The following ROCK2 variants were observed in gnomAD, a reference collection of about 807,000 sequenced individuals.
ROCK2 encodes rho-associated protein kinase 2.
In ROCK2, 61 loss-of-function variants were observed where a neutral mutation model predicts 195.1. The ratio of observed to expected loss-of-function variants is 0.31; its 90% CI spans 0.25 to 0.39. The LOEUF (loss-of-function observed/expected upper bound fraction) is 0.39, where lower values mean the gene tolerates loss of function less well. Among genes scored for constraint, ROCK2 ranks in the 10% least tolerant of loss-of-function variants. The pLI is 1.00. For missense variants in ROCK2, 1,109 were observed against 1,637.4 expected (o/e 0.68, Z 5.57); for synonymous variants, 504 against 545.5 (o/e 0.92, Z 1.06).
chr2:11,323,239 G>A (rs926374673), intron 1 of ROCK2, among the ~76,000 whole-genome samples: 1 of 152,134 alleles, frequency 6.6e-6, no homozygotes, highest in Non-Finnish European at 1.5e-5. Context: ...TACTGTCTTA[G>A]AAATCTACAG....
At chr2:11,194,191 T>C (rs1195871083) in intron 29 of ROCK2, 65 bp downstream of exon 29, 2 of 647,728 alleles carry the variant, frequency 3.1e-6, no homozygotes, top group East Asian at 2.9e-5. Flanking sequence ...GACTAATAAA[T>C]TGCATTGTTA....
At chr2:11,317,159 T>C (rs1056195851) in intron 1 of ROCK2, among the ~76,000 whole-genome samples, 2 of 152,068 alleles carry the variant, frequency 1.3e-5, no homozygotes, top group African/African-American at 4.8e-5. Context: ...ATGATGCAAG[T>C]AACTAAAAGA....
chr2:11,255,835 G>A (rs1666011071), intron 3 of ROCK2, among the ~76,000 whole-genome samples: 1 of 141,324 alleles, frequency 7.1e-6, no homozygotes, highest in African/African-American at 2.8e-5. Flanking sequence ...CAGGGGAATT[G>A]CTTAAACCTG....
intron 1 of ROCK2, among the ~76,000 whole-genome samples, chr2:11,323,312 C>T (rs896026822): frequency 6.6e-6 from 1 of 152,202 alleles, no homozygotes; most frequent in African/African-American, 2.4e-5. Flanking sequence ...ACCTCCAAAC[C>T]TCAGTTTCCC....
intron 32 of ROCK2, among the ~76,000 whole-genome samples, chr2:11,190,707 A>G (rs1663392406): frequency 6.6e-6 from 1 of 152,202 alleles, no homozygotes; most frequent in African/African-American, 2.4e-5. Flanking sequence ...AGCAAATGAG[A>G]TAATATATAA....
At chr2:11,226,932 A>AAAG (rs1161561699) in intron 6 of ROCK2, among the ~76,000 whole-genome samples, 1 of 143,416 alleles carries the variant, frequency 7.0e-6, no homozygotes, top group Non-Finnish European at 1.6e-5. Flanking sequence ...AAAAAAAAAA[A>AAAG]AAGAAGGAAA....
rs774612477 is a variant in ROCK2 at position 11,182,075 on chromosome 2, A to T, written c.*1362T>A. The T allele has an allele frequency of 2.6e-5, 4 of 152,174 alleles. No homozygotes were observed. Among genetic ancestry groups the T allele is most frequent in the Non-Finnish European group, 5.9e-5 (4 of 68,030 alleles). The allele number at this position is 152,174 out of a possible 1,614,324, so 9.4% of individuals were successfully genotyped here. On this transcript the variant is annotated 3_prime_UTR_variant, in exon 33 of 33. Transcript: ENST00000315872. ...GCTGCATATTGTTGCAGTATAAAACACACACTTATCTGGGATCATGAGAAT... is the reference window on the plus strand; with the variant it reads ...GCTGCATATTGTTGCAGTATAAAACTCACACTTATCTGGGATCATGAGAAT...
intron 3 of ROCK2, among the ~76,000 whole-genome samples, chr2:11,275,820 C>G (rs1666806007): frequency 6.6e-6 from 1 of 151,666 alleles, no homozygotes; most frequent in Non-Finnish European, 1.5e-5. Context: ...CTGCCTCAGC[C>G]TCCCTAGCAG....
At chr2:11,342,664 T>C (rs1169234239) in intron 1 of ROCK2, among the ~76,000 whole-genome samples, 2 of 152,222 alleles carry the variant, frequency 1.3e-5, no homozygotes, top group Non-Finnish European at 2.9e-5. Flanking sequence ...TAGGAAAAGC[T>C]ATGCCATCCA....
intron 4 of ROCK2, among the ~76,000 whole-genome samples, chr2:11,244,747 G>C (rs984805294): frequency 1.3e-5 from 2 of 151,790 alleles, no homozygotes; most frequent in African/African-American, 4.8e-5. Flanking sequence ...CTGGGCAACA[G>C]AGTGAGATCC....
At chr2:11,343,364 G>A (rs1371090222) in intron 1 of ROCK2, among the ~76,000 whole-genome samples, 2 of 152,156 alleles carry the variant, frequency 1.3e-5, no homozygotes, top group African/African-American at 2.4e-5. Context: ...GCAATGAAGA[G>A]GACAGATTTA....
At chr2:11,200,867 T>A (rs1379366925) in intron 23 of ROCK2, 90 bp downstream of exon 23, 1 of 1,138,114 alleles carries the variant, frequency 8.8e-7, no homozygotes, top group African/African-American at 1.6e-5. Flanking sequence ...TAATTTTTCA[T>A]TTAGATCTGT....
chr2:11,316,767 G>A (rs998339263), intron 1 of ROCK2, among the ~76,000 whole-genome samples: 2 of 152,120 alleles, frequency 1.3e-5, no homozygotes, highest in Admixed American at 1.3e-4. Flanking sequence ...CTACGATATG[G>A]TATGTCTGTC....
chr2:11,269,489 T>C (rs1572338958), intron 3 of ROCK2, among the ~76,000 whole-genome samples: 1 of 148,514 alleles, frequency 6.7e-6, no homozygotes, highest in African/African-American at 2.5e-5. Flanking sequence ...GCAGCGTGGG[T>C]GACAGAGCAA....
intron 3 of ROCK2, among the ~76,000 whole-genome samples, chr2:11,282,607 C>CAAAAAAA (rs70953381): frequency 2.2e-4 from 27 of 123,352 alleles, no homozygotes; most frequent in African/African-American, 7.3e-4. Flanking sequence ...TATCTACATG[C>CAAAAAAA]AAAAAAAAAA....
chr2:11,212,440 A>G (rs1664282886), intron 17 of ROCK2, among the ~76,000 whole-genome samples: 1 of 152,060 alleles, frequency 6.6e-6, no homozygotes, highest in African/African-American at 2.4e-5. Context: ...GACCCTTTTC[A>G]GTCTTATTTG....
intron 1 of ROCK2, among the ~76,000 whole-genome samples, chr2:11,319,479 A>G (rs148994101): frequency 2.8e-4 from 43 of 152,204 alleles, no homozygotes; most frequent in Middle Eastern, 3.4e-3. Flanking sequence ...GAAGTTGCTT[A>G]TCAGCTTAAG....
intron 30 of ROCK2, among the ~76,000 whole-genome samples, chr2:11,193,477 A>AT (rs995318726): frequency 2.0e-5 from 3 of 152,182 alleles, no homozygotes; most frequent in African/African-American, 7.2e-5. Flanking sequence ...GGAAAAATTC[A>AT]TGTTTAAAAA....
At chr2:11,289,674 A>C (rs1667301527) in intron 1 of ROCK2, among the ~76,000 whole-genome samples, 1 of 152,248 alleles carries the variant, frequency 6.6e-6, no homozygotes. Context: ...TTTACACATA[A>C]GACAAGAGAA....
Sources: allele counts gnomAD v4.1 joint callset (sites outside exome capture counted in the v4.1 genomes callset), GRCh38; gene constraint gnomAD v4.1.1; transcripts MANE v1.5; gene names NCBI Gene and HGNC (gene_info 2026-07-23, HGNC 2026-07-21).